The following CMSS1 variants were observed in gnomAD, a reference collection of about 807,000 sequenced individuals.
CMSS1 encodes cms1 ribosomal small subunit homolog.
In CMSS1, 33 loss-of-function variants were observed where a neutral mutation model predicts 43.5. The observed-to-expected ratio is 0.76, with a 90% confidence interval of 0.57 to 1.01. The LOEUF is 1.01. CMSS1 is among the 50% of genes least tolerant of loss of function. The pLI is 0.00. For synonymous variants in CMSS1, 115 were observed against 117.2 expected (o/e 0.98, Z 0.12); for missense variants, 313 against 326.4 (o/e 0.96, Z 0.32).
intron 6 of CMSS1, among the ~76,000 whole-genome samples, chr3:100,171,191 T>G (rs2067107153): frequency 6.6e-6 from 1 of 152,156 alleles, no homozygotes; most frequent in African/African-American, 2.4e-5. Flanking sequence ...TCTTACTTTT[T>G]TTCCTTCCTT....
chr3:100,049,180 G>T (rs915369088), intron 1 of CMSS1, among the ~76,000 whole-genome samples: 1 of 152,042 alleles, frequency 6.6e-6, no homozygotes, highest in Admixed American at 6.6e-5. Context: ...TTATACCTTT[G>T]GGAACACATA....
At chr3:100,123,067 G>A (rs956086677) in intron 1 of CMSS1, among the ~76,000 whole-genome samples, 1 of 152,208 alleles carries the variant, frequency 6.6e-6, no homozygotes, top group Non-Finnish European at 1.5e-5. Flanking sequence ...TAAAGTCTAT[G>A]GGAAGGATCA....
intron 1 of CMSS1, chr3:99,849,095 G>A (rs1294632467): frequency 3.1e-6 from 5 of 1,614,000 alleles, no homozygotes; most frequent in Non-Finnish European, 3.4e-6. Context: ...GGAATCCATA[G>A]CTTTCTGTTA....
At chr3:100,087,009 CA>C (rs1223568928) in intron 1 of CMSS1, among the ~76,000 whole-genome samples, 2 of 152,178 alleles carry the variant, frequency 1.3e-5, no homozygotes, top group Non-Finnish European at 2.9e-5. Context: ...AGATACTATC[CA>C]AATTGTCATG....
chr3:99,912,339 T>G (rs1576567704), intron 1 of CMSS1, among the ~76,000 whole-genome samples: 1 of 152,158 alleles, frequency 6.6e-6, no homozygotes. Flanking sequence ...CTAGCGGCTG[T>G]AGTGTCACTG....
rs77015711 is a variant in CMSS1, at chr3:99,829,362, A to G, written c.64+11319A>G. Among the ~76,000 whole-genome samples, 477 of 152,272 alleles carry G rather than the reference A, an allele frequency of 3.1e-3. 4 individuals are homozygous for G. The highest frequency in any genetic ancestry group is 0.011 in the African/African-American group (448 of 41,564). On this transcript the variant is annotated intron_variant, in intron 1 of 9. Coordinates refer to ENST00000421999, the MANE Select transcript of CMSS1 (RefSeq NM_032359.4). Reference sequence around the variant, plus strand: ...ACAGGCACACCTTTCTCTCAATTCAATGAGAGAGTTTTCAGTGTGATGTAA... The same window carrying G: ...ACAGGCACACCTTTCTCTCAATTCAGTGAGAGAGTTTTCAGTGTGATGTAA...
chr3:99,930,521 G>A (rs1198619978), intron 1 of CMSS1, among the ~76,000 whole-genome samples: 1 of 152,180 alleles, frequency 6.6e-6, no homozygotes, highest in Admixed American at 6.5e-5. Context: ...CTCCTGAGCA[G>A]CATGGGCAGA....
At chr3:99,895,153 A>G (rs1706207642) in intron 1 of CMSS1, among the ~76,000 whole-genome samples, 1 of 152,120 alleles carries the variant, frequency 6.6e-6, no homozygotes, top group Admixed American at 6.5e-5. Flanking sequence ...TTCATAACCC[A>G]GAGAATGCTT....
intron 1 of CMSS1, among the ~76,000 whole-genome samples, chr3:100,095,506 C>T (rs1057088021): frequency 1.3e-5 from 2 of 151,966 alleles, no homozygotes; most frequent in African/African-American, 4.8e-5. Context: ...ATACCGAGAA[C>T]ATGCATTGGA....
intron 1 of CMSS1, among the ~76,000 whole-genome samples, chr3:99,893,043 G>A (rs1314863642): frequency 6.6e-6 from 1 of 152,082 alleles, no homozygotes; most frequent in East Asian, 1.9e-4. Context: ...TAAGATGCAA[G>A]CATGATGCTC....
At chr3:99,929,509 C>G (rs1707403926) in intron 1 of CMSS1, among the ~76,000 whole-genome samples, 2 of 132,270 alleles carry the variant, frequency 1.5e-5, no homozygotes, top group African/African-American at 5.8e-5. Context: ...CTGCAAGTTC[C>G]CAGAGTGTGT....
intron 1 of CMSS1, among the ~76,000 whole-genome samples, chr3:100,056,875 G>A (rs1270045209): frequency 6.6e-6 from 1 of 152,088 alleles, no homozygotes; most frequent in Non-Finnish European, 1.5e-5. Flanking sequence ...GTGATGGCAG[G>A]CGCCTGTAGT....
chr3:99,898,668 A>AG, intron 1 of CMSS1: 1 of 173,176 alleles, frequency 5.8e-6, no homozygotes, highest in Non-Finnish European at 1.3e-5. Flanking sequence ...TGGAATGCTG[A>AG]GGCAGGAGAA....
At chr3:100,177,341 A>T (rs575061893) in intron 9 of CMSS1, among the ~76,000 whole-genome samples, 1 of 152,222 alleles carries the variant, frequency 6.6e-6, no homozygotes, top group African/African-American at 2.4e-5. Context: ...CTGGTTTCTT[A>T]AAACTGGTTT....
At chr3:100,139,752 G>T (rs999308088) in intron 1 of CMSS1, among the ~76,000 whole-genome samples, 1 of 144,996 alleles carries the variant, frequency 6.9e-6, no homozygotes, top group Admixed American at 7.0e-5. Flanking sequence ...AGCTGAGATC[G>T]CGCCATTGCA....
At chr3:99,877,602 A>T (rs926517021) in intron 1 of CMSS1, among the ~76,000 whole-genome samples, 8 of 152,202 alleles carry the variant, frequency 5.3e-5, no homozygotes, top group African/African-American at 1.9e-4. Context: ...TTAAAATTTA[A>T]TATTTGATTT....
At chr3:99,940,530 C>T (rs1234838281) in intron 1 of CMSS1, among the ~76,000 whole-genome samples, 1 of 152,180 alleles carries the variant, frequency 6.6e-6, no homozygotes. Flanking sequence ...ACTGATGTGC[C>T]TATGGTCATG....
intron 1 of CMSS1, among the ~76,000 whole-genome samples, chr3:99,984,360 A>T (rs1308271912): frequency 6.6e-6 from 1 of 152,212 alleles, no homozygotes; most frequent in African/African-American, 2.4e-5. Flanking sequence ...TATTTTTAGG[A>T]TTAAACCATT....
intron 1 of CMSS1, among the ~76,000 whole-genome samples, chr3:100,112,621 G>A (rs933824193): frequency 6.6e-6 from 1 of 152,162 alleles, no homozygotes; most frequent in Non-Finnish European, 1.5e-5. Context: ...AATAATGAAT[G>A]CTTTTCTTTG....
Sources: allele counts gnomAD v4.1 joint callset (sites outside exome capture counted in the v4.1 genomes callset), GRCh38; gene constraint gnomAD v4.1.1; transcripts MANE v1.5; gene names NCBI Gene and HGNC (gene_info 2026-07-23, HGNC 2026-07-21).